GNG2: variants seen among roughly 807,000 people sequenced by gnomAD.
GNG2 encodes the protein G protein subunit gamma 2.
A neutral mutation model predicts 5.5 loss-of-function variants in GNG2; 5 were observed. That is an observed-to-expected ratio of 0.91 (90% CI 0.48 to 1.92). The LOEUF is 1.92. Among genes scored for constraint, GNG2 ranks in the 30% most tolerant of loss-of-function variants. The probability of loss-of-function intolerance (pLI) is 0.01; values close to 1 mark genes in which losing one functional copy is unlikely to be tolerated. For missense variants in GNG2, 55 were observed against 88.4 expected (o/e 0.62, Z 1.52); for synonymous variants, 28 against 32.0 (o/e 0.88, Z 0.42).
chr14:51,890,662 A>G (rs1261437272), intron 2 of GNG2, among the ~76,000 whole-genome samples: 4 of 152,208 alleles, frequency 2.6e-5, no homozygotes, highest in African/African-American at 9.6e-5. Context: ...TATTCCTTTG[A>G]GTATTACTCT....
At chr14:51,834,440 G>A (rs1415388242) in intron 2 of GNG2, among the ~76,000 whole-genome samples, 1 of 152,208 alleles carries the variant, frequency 6.6e-6, no homozygotes, top group Non-Finnish European at 1.5e-5. Context: ...ACAGAAAACA[G>A]AGCTTGTCGA....
chr14:51,858,499 A>G (rs1253789599), upstream of GNG2, among the ~76,000 whole-genome samples: 1 of 152,196 alleles, frequency 6.6e-6, no homozygotes, highest in African/African-American at 2.4e-5. Context: ...ATACCAACCT[A>G]TATAGGCTTA....
chr14:51,939,241 TAAAAAC>T (rs1888180720), intron 2 of GNG2, among the ~76,000 whole-genome samples: 1 of 152,178 alleles, frequency 6.6e-6, no homozygotes, highest in African/African-American at 2.4e-5. Flanking sequence ...AAGTCTCAGA[TAAAAAC>T]TAAAAGCTTA....
At chr14:51,866,314 C>T (rs1882882452) in intron 1 of GNG2, among the ~76,000 whole-genome samples, 1 of 152,154 alleles carries the variant, frequency 6.6e-6, no homozygotes, top group Non-Finnish European at 1.5e-5. Flanking sequence ...TTTCAAAATT[C>T]TTTCCTTCTT....
intron 2 of GNG2, among the ~76,000 whole-genome samples, chr14:51,938,352 C>T (rs1056891259): frequency 6.6e-6 from 1 of 152,156 alleles, no homozygotes; most frequent in Non-Finnish European, 1.5e-5. Context: ...GGAGATTATG[C>T]ATGTAATGTT....
intron 2 of GNG2, among the ~76,000 whole-genome samples, chr14:51,935,878 TA>T (rs1185423917): frequency 6.6e-6 from 1 of 152,116 alleles, no homozygotes; most frequent in Non-Finnish European, 1.5e-5. Context: ...AGGCAATTCA[TA>T]TAATCACTCT....
chr14:51,885,599 ACACAC>A (rs1289655130), intron 2 of GNG2, among the ~76,000 whole-genome samples: 1 of 151,734 alleles, frequency 6.6e-6, no homozygotes, highest in Non-Finnish European at 1.5e-5. Flanking sequence ...TAACACACAC[ACACAC>A]ACACACCCCC....
At chr14:51,902,283 T>C (rs777780991) in intron 2 of GNG2, among the ~76,000 whole-genome samples, 1 of 152,208 alleles carries the variant, frequency 6.6e-6, no homozygotes, top group Non-Finnish European at 1.5e-5. Flanking sequence ...AATAGGTACA[T>C]ATTTGTTTTC....
At chr14:51,864,059 T>C (rs1431835845) in intron 1 of GNG2, among the ~76,000 whole-genome samples, 1 of 152,244 alleles carries the variant, frequency 6.6e-6, no homozygotes, top group African/African-American at 2.4e-5. Flanking sequence ...AGTAATTATA[T>C]ATTTAATTTT....
chr14:51,841,730 G>C (rs1881489204), intron 2 of GNG2, among the ~76,000 whole-genome samples: 1 of 152,182 alleles, frequency 6.6e-6, no homozygotes, highest in Non-Finnish European at 1.5e-5. Flanking sequence ...TTGTGAAATA[G>C]ACATGACTTC....
Position 51,853,887 on chromosome 14 carries a change from C to CTT in GNG2, c.64+26089_64+26090dup, listed in dbSNP as rs1047131315. Among the ~76,000 whole-genome samples, 6 of 143,626 alleles carry CTT rather than the reference C, an allele frequency of 4.2e-5. 1 individual carries two copies. The highest frequency in any genetic ancestry group is 1.6e-4 in the African/African-American group (6 of 36,516). 94.2% of individuals were successfully genotyped at this position (143,626 alleles called of 152,430 possible). ...CCCGTTTCCTGTTGTCCCTGAATTT[C>CTT]TTTTTTTTTTCTTTTTTTTTTGGGA... On this transcript the variant is annotated intron_variant, in intron 2 of 3. Transcript: ENST00000553432.
rs895771338 is a variant in GNG2 at position 51,896,569 on chromosome 14, T to G, written c.-30+18912T>G. The stretch of plus-strand genomic sequence containing the variant: ...AAAGAAGCCTAAGAGCTTTGGGTTT[T>G]ATTATTGCTGTAACTAGAAATCACC... On this transcript the variant is annotated intron_variant, in intron 2 of 3. Transcript: ENST00000556766. Among the ~76,000 whole-genome samples, 2 of 152,218 alleles carry G rather than the reference T, an allele frequency of 1.3e-5. 1 individual carries two copies. The highest frequency in any genetic ancestry group is 1.3e-4 in the Admixed American group (2 of 15,284).
intron 2 of GNG2, among the ~76,000 whole-genome samples, chr14:51,838,748 A>G (rs1363416699): frequency 6.6e-6 from 1 of 152,204 alleles, no homozygotes; most frequent in Non-Finnish European, 1.5e-5. Flanking sequence ...TACAAAAAAT[A>G]TAAAAAATTA....
chr14:51,961,642 T>C (rs1262669721), intron 3 of GNG2, among the ~76,000 whole-genome samples: 1 of 152,204 alleles, frequency 6.6e-6, no homozygotes, highest in Non-Finnish European at 1.5e-5. Context: ...GGAAAGTCAC[T>C]GTGGATGAGG....
chr14:51,966,329 C>A (rs953275477), intron 3 of GNG2, among the ~76,000 whole-genome samples: 1 of 151,758 alleles, frequency 6.6e-6, no homozygotes, highest in South Asian at 2.1e-4. Flanking sequence ...CGGTTCTGCA[C>A]CCTAAGTGCC....
chr14:51,830,972 T>C (rs1182006510), intron 2 of GNG2, among the ~76,000 whole-genome samples: 1 of 152,212 alleles, frequency 6.6e-6, no homozygotes. Flanking sequence ...TCTCCAACCT[T>C]CTGTCCTGCC....
intron 2 of GNG2, among the ~76,000 whole-genome samples, chr14:51,911,002 A>G (rs377695806): frequency 4.6e-5 from 7 of 152,248 alleles, no homozygotes; most frequent in South Asian, 2.1e-4. Context: ...CATCACTGCT[A>G]CTCACGTCAG....
intron 2 of GNG2, among the ~76,000 whole-genome samples, chr14:51,930,657 C>T (rs1887603658): frequency 6.6e-6 from 1 of 152,206 alleles, no homozygotes; most frequent in African/African-American, 2.4e-5. Context: ...TTGTTCCATT[C>T]TTGCATTGCT....
At chr14:51,827,694 C>G (rs551856291) in exon 2 of GNG2, 1 of 702,172 alleles carries the variant, frequency 1.4e-6, no homozygotes, top group Non-Finnish European at 2.6e-6. Context: ...AAAGCAGCAC[C>G]GTGGAGCTGG....
Sources: allele counts gnomAD v4.1 joint callset (sites outside exome capture counted in the v4.1 genomes callset), GRCh38; gene constraint gnomAD v4.1.1; transcripts MANE v1.5; gene names NCBI Gene and HGNC (gene_info 2026-07-23, HGNC 2026-07-21).